The following NEK2 variants were observed in gnomAD, a reference collection of about 807,000 sequenced individuals.
NEK2 encodes the protein serine/threonine-protein kinase Nek2.
Under a neutral mutation model 54.1 loss-of-function variants are expected in NEK2, and 28 were observed. That is an observed-to-expected ratio of 0.52 (90% CI 0.38 to 0.71). The LOEUF (loss-of-function observed/expected upper bound fraction) is 0.71. NEK2 is among the 30% of genes least tolerant of loss of function. The probability of loss-of-function intolerance (pLI) is 0.00; values close to 1 mark genes in which losing one functional copy is unlikely to be tolerated. For missense variants in NEK2, 407 were observed against 531.5 expected, an observed-to-expected ratio of 0.77 and a Z score of 2.30; for synonymous variants, 176 against 193.1, an observed-to-expected ratio of 0.91 and a Z score of 0.73.
intron 3 of NEK2, among the ~76,000 whole-genome samples, chr1:211,672,538 T>C (rs1297021925): frequency 6.6e-6 from 1 of 152,020 alleles, no homozygotes; most frequent in Non-Finnish European, 1.5e-5. Flanking sequence ...GCAAACTTCC[T>C]GAGCTCTGAT....
downstream of NEK2, chr1:211,660,435 A>T: frequency 1.4e-6 from 1 of 703,764 alleles, no homozygotes; most frequent in Admixed American, 1.8e-5. Flanking sequence ...CCCATTGCAG[A>T]CACTGAACCA....
At position 211,673,497 on chromosome 1, in the gene NEK2, A is replaced by G. The variant is rs1314606306; in HGVS notation, c.541T>C (p.Tyr181His). Residue 181 changes from tyrosine to histidine, a missense_variant, in exon 3 of 8, where the codon TAT becomes CAT. Transcript: ENST00000366999. ...SFAKTFVGTP[Y>H]YMSPEQMNRM... ...GAAATACTTACAGGAGACATGTAAT[A>G]AGGTGTGCCAACAAATGTTTTTGCA... 6.2e-7 allele frequency: 1 copy of G among 1,613,876 alleles called. No individual in the cohort carries two copies. The highest frequency in any genetic ancestry group is 8.5e-7 in the Non-Finnish European group (1 of 1,179,868).
rs190914825 is a variant in NEK2, at chr1:211,664,868, C to A, written c.1112-1216G>T. ...CTGAGATGGGGTCTTGCCATGTTTT[C>A]CAGGCTGGAGTGCAGTGGCTAGTCA... On this transcript the variant is annotated intron_variant, in intron 7 of 7. Transcript: ENST00000366999. Among the ~76,000 whole-genome samples the A allele has an allele frequency of 7.1e-4, 108 of 152,216 alleles. 1 individual carries two copies. Among genetic ancestry groups the A allele is most frequent in the Admixed American group, 7.0e-3 (107 of 15,282 alleles).
intron 2 of NEK2, 65 bp from the exon 3 acceptor site, chr1:211,673,788 T>C: frequency 6.6e-7 from 1 of 1,504,116 alleles, no homozygotes; most frequent in Non-Finnish European, 9.2e-7. Context: ...TGGGATGATA[T>C]AAATTATCCA....
intron 7 of NEK2, among the ~76,000 whole-genome samples, chr1:211,665,817 A>G (rs954869672): frequency 6.6e-6 from 1 of 152,322 alleles, no homozygotes; most frequent in African/African-American, 2.4e-5. Flanking sequence ...GTGATCATCA[A>G]TCTAACTTAA....
In NEK2 at chr1:211,667,308, T is replaced by A. The variant is rs187355464; in HGVS notation, c.986-77A>T. The A allele has an allele frequency of 2.2e-6, 3 of 1,392,774 alleles. No homozygotes were observed. In the East Asian group the frequency reaches 6.9e-5, roughly 32 times the overall value. 86.3% of individuals were successfully genotyped at this position (1,392,774 alleles called of 1,614,324 possible). ...AAAAAACAATTTACATTTGGCAATC[T>A]TATCACTACTAGCATGCCTGATACT... On this transcript the variant is annotated intron_variant, in intron 6 of 7. Transcript: ENST00000366999.
At chr1:211,671,992 CT>C in intron 3 of NEK2, among the ~76,000 whole-genome samples, 1 of 152,174 alleles carries the variant, frequency 6.6e-6, no homozygotes, top group Non-Finnish European at 1.5e-5. Flanking sequence ...GATAATTGTC[CT>C]TTATGTTAAA....
downstream of NEK2, chr1:211,660,273 C>T (rs1376063797): frequency 2.3e-6 from 1 of 433,668 alleles, no homozygotes; most frequent in Non-Finnish European, 4.6e-6. Context: ...CAATGAGACC[C>T]ATAATGTGGC....
rs2102447095 is a variant in NEK2, at chr1:211,673,494, A to G, written c.544T>C (p.Tyr182His). The G allele has an allele frequency of 4.3e-6, 7 of 1,613,984 alleles. No homozygotes were observed. The highest frequency in any genetic ancestry group is 5.9e-6 in the Non-Finnish European group (7 of 1,179,850). The change falls in exon 3 of 8, where the codon TAC becomes CAC. Residue 182 changes from tyrosine (Y) to histidine (H), a missense_variant. Physicochemically the swap from Tyr to His is moderately conservative, Grantham distance 83. Transcript: ENST00000366999. ...FAKTFVGTPY[Y>H]MSPEQMNRMS... ...TCTGAAATACTTACAGGAGACATGT[A>G]ATAAGGTGTGCCAACAAATGTTTTT...
At chr1:211,660,475 G>T, downstream of NEK2, 1 of 675,856 alleles carries the variant, frequency 1.5e-6, no homozygotes, top group Non-Finnish European at 2.8e-6. Context: ...GTCCTAGATG[G>T]CAGTGCCAAC....
chr1:211,660,881 C>T, downstream of NEK2: 1 of 726,948 alleles, frequency 1.4e-6, no homozygotes, highest in Admixed American at 1.8e-5. Flanking sequence ...GCATCCAAAC[C>T]CACGCCCAGC....
At chr1:211,673,450 T>C (rs1047885358) in intron 3 of NEK2, 33 bp downstream of exon 3, 21 of 1,607,516 alleles carry the variant, frequency 1.3e-5, no homozygotes, top group Non-Finnish European at 1.5e-5. Context: ...ATAAAAGATG[T>C]TTTAAAAAGT....
rs766346963 is a variant in NEK2, at chr1:211,663,398, G to A, written c.*28C>T. 3.8e-6 allele frequency: 6 copies of A among 1,591,686 alleles called. No homozygotes were observed. The highest frequency in any genetic ancestry group is 1.8e-5 in the Admixed American group (1 of 56,690). On this transcript the variant is annotated 3_prime_UTR_variant, in exon 8 of 8. Transcript: ENST00000366999. ...TTAAAGGTTGGTAATATTACATCCT[G>A]TACACAGCTCTGTGTCTCTCTACCT...
At chr1:211,658,320 T>G (rs1654923623), downstream of NEK2, among the ~76,000 whole-genome samples, 1 of 152,162 alleles carries the variant, frequency 6.6e-6, no homozygotes, top group Non-Finnish European at 1.5e-5. Flanking sequence ...TTTACATTTT[T>G]AAAGGGAATT....
intron 5 of NEK2, 21 bp from the exon 6 acceptor site, chr1:211,669,353 A>G: frequency 6.3e-7 from 1 of 1,598,256 alleles, no homozygotes; most frequent in Non-Finnish European, 8.6e-7. Flanking sequence ...AATACTCAGT[A>G]TTATAGTCAG....
chr1:211,675,551 G>T lies in NEK2; in HGVS notation c.-72C>A. 1 of 1,288,388 alleles carries T rather than the reference G, an allele frequency of 7.8e-7. No homozygotes were observed. The highest frequency in any genetic ancestry group is 1.1e-6 in the Non-Finnish European group (1 of 889,956). The allele number at this position is 1,288,388 out of a possible 1,614,324, so 79.8% of individuals were successfully genotyped here. ...CCAAGTGCGGAGCTCCAGGGACCAG[G>T]AACTCCAGGGACCTGGATGGAGAAG... On this transcript the variant is annotated 5_prime_UTR_variant, in exon 1 of 8. Transcript: ENST00000366999.
chr1:211,659,769 T>TC (rs1654969148), downstream of NEK2, among the ~76,000 whole-genome samples: 1 of 152,014 alleles, frequency 6.6e-6, no homozygotes, highest in African/African-American at 2.4e-5. Context: ...ATACATTTTT[T>TC]CCCCATCTCT....
chr1:211,674,079 G>A (rs1421125975), intron 2 of NEK2, among the ~76,000 whole-genome samples: 1 of 152,144 alleles, frequency 6.6e-6, no homozygotes, highest in Non-Finnish European at 1.5e-5. Context: ...GCCTCCCAAA[G>A]TGTTGGGATT....
At position 211,670,216 on chromosome 1, in the gene NEK2, G is replaced by T. The variant is rs540570777; in HGVS notation, c.765+65C>A. 956 of 1,462,848 alleles carry T rather than the reference G, an allele frequency of 6.5e-4. 1 individual carries two copies. Among genetic ancestry groups the T allele is most frequent in the Admixed American group, 1.1e-3 (54 of 51,170 alleles). The allele number at this position is 1,462,848 out of a possible 1,614,324, so 90.6% of individuals were successfully genotyped here. A position where few individuals can be genotyped will look rare whatever the true frequency, so the allele number is the denominator to read the frequency against. ...TCAGTCTCCATTGATCTACAAGAGA[G>T]AATGTATGCTCTGACACTTAACTGA... is the stretch of plus-strand genomic sequence containing the variant. On this transcript the variant is annotated intron_variant, in intron 5 of 7. Coordinates refer to ENST00000366999, the MANE Select transcript of NEK2 (RefSeq NM_002497.4).
Sources: gnomAD v4.1 joint callset for allele counts (sites outside exome capture counted in the v4.1 genomes callset) on GRCh38, gnomAD v4.1.1 for gene constraint, MANE v1.5 for transcripts, NCBI Gene and HGNC (gene_info 2026-07-23, HGNC 2026-07-21) for gene names.